CHCHD3: variants seen among roughly 807,000 people sequenced by gnomAD.
CHCHD3 encodes the protein coiled-coil-helix-coiled-coil-helix domain containing 3.
A neutral mutation model predicts 38.2 loss-of-function variants in CHCHD3; 20 were observed. The ratio of observed to expected loss-of-function variants is 0.52; its 90% confidence interval spans 0.37 to 0.76. The LOEUF (loss-of-function observed/expected upper bound fraction) is 0.76, where lower values mean the gene tolerates loss of function less well. Among genes scored for constraint, CHCHD3 ranks in the 30% least tolerant of loss-of-function variants. The pLI is 0.00. For missense variants in CHCHD3, 245 were observed against 279.2 expected, an observed-to-expected ratio of 0.88 and a Z score of 0.87; for synonymous variants, 82 against 100.0, an observed-to-expected ratio of 0.82 and a Z score of 1.07.
Position 132,975,279 on chromosome 7 carries a change from G to C in CHCHD3, c.259C>G (p.Gln87Glu), listed in dbSNP as rs148121452. Reference protein sequence around the residue: ...KESEDQKRLKQAKELDRERAA... With the variant: ...KESEDQKRLKEAKELDRERAA... Reference sequence around the variant, plus strand: ...CTCTCTCGGTCCAGCTCTTTGGCTTGCTTTAGTCTAAAATGACAAGAATTG... The same window carrying C: ...CTCTCTCGGTCCAGCTCTTTGGCTTCCTTTAGTCTAAAATGACAAGAATTG... The change falls in exon 4 of 8, where the codon CAA becomes GAA. Residue 87 changes from glutamine to glutamate, a missense_variant. Physicochemically the swap from Gln to Glu is conservative, Grantham distance 29. Coordinates refer to ENST00000262570, the MANE Select transcript of CHCHD3 (RefSeq NM_017812.4). 315 of 1,612,124 alleles carry C rather than the reference G, an allele frequency of 2.0e-4. 1 individual carries two copies. The Middle Eastern group carries it at 7.1e-3, about 36-fold the overall frequency.
chr7:132,955,927 T>A (rs1562920448), intron 4 of CHCHD3, among the ~76,000 whole-genome samples: 1 of 152,138 alleles, frequency 6.6e-6, no homozygotes, highest in Non-Finnish European at 1.5e-5. Flanking sequence ...GGGTGGGGGA[T>A]TTTCCGAAAA....
Position 132,975,286 on chromosome 7 carries a change from T to A in CHCHD3, c.252A>T (p.Arg84=), listed in dbSNP as rs1162575440. The A allele has an allele frequency of 1.2e-6, 2 of 1,610,542 alleles. No homozygotes were observed. The highest frequency in any genetic ancestry group is 1.7e-6 in the Non-Finnish European group (2 of 1,178,018). The part of the protein sequence containing the change: ...QAKKESEDQK[R]LKQAKELDRE... ...GGTCCAGCTCTTTGGCTTGCTTTAG[T>A]CTAAAATGACAAGAATTGTCTAAGT... Residue 84 remains arginine, a splice_region_variant and synonymous_variant, in exon 4 of 8, where the codon CGA becomes CGT. Coordinates refer to ENST00000262570, the MANE Select transcript of CHCHD3 (RefSeq NM_017812.4).
chr7:132,923,760 C>A (rs947915076), intron 4 of CHCHD3, among the ~76,000 whole-genome samples: 1 of 152,170 alleles, frequency 6.6e-6, no homozygotes, highest in African/African-American at 2.4e-5. Context: ...GATTTCCCAG[C>A]AGCCAGAAAT....
intron 2 of CHCHD3, among the ~76,000 whole-genome samples, chr7:133,062,831 C>T (rs1296199430): frequency 1.3e-5 from 2 of 152,206 alleles, no homozygotes; most frequent in East Asian, 1.9e-4. Flanking sequence ...TTTCATACCA[C>T]CTAGAAGCAC....
chr7:132,898,840 C>CT (rs1286519541), intron 4 of CHCHD3, among the ~76,000 whole-genome samples: 1 of 152,258 alleles, frequency 6.6e-6, no homozygotes, highest in African/African-American at 2.4e-5. Flanking sequence ...TCTGCAGCCA[C>CT]TGGCCCAGGT....
chr7:133,074,838 T>C (rs1201203773), intron 1 of CHCHD3, among the ~76,000 whole-genome samples: 1 of 152,220 alleles, frequency 6.6e-6, no homozygotes, highest in Non-Finnish European at 1.5e-5. Flanking sequence ...CCCCAGAGAT[T>C]CTGTGGAGGG....
intron 4 of CHCHD3, among the ~76,000 whole-genome samples, chr7:132,959,104 C>T (rs10238727): frequency 0.066 from 10,003 of 152,240 alleles, 831 homozygotes; most frequent in African/African-American, 0.2. Context: ...GAGGCCATGC[C>T]AAATGAGTGA....
intron 5 of CHCHD3, among the ~76,000 whole-genome samples, chr7:132,841,659 A>G (rs1475330699): frequency 6.6e-6 from 1 of 152,220 alleles, no homozygotes; most frequent in African/African-American, 2.4e-5. Flanking sequence ...TCCACTGATG[A>G]TCTCCGAGTG....
intron 4 of CHCHD3, among the ~76,000 whole-genome samples, chr7:132,893,766 G>T (rs1334776981): frequency 6.6e-6 from 1 of 152,136 alleles, no homozygotes; most frequent in African/African-American, 2.4e-5. Flanking sequence ...GTGTCTGAAG[G>T]TTTCTCTTTC....
chr7:133,026,043 A>G (rs1378000353), intron 2 of CHCHD3, among the ~76,000 whole-genome samples: 1 of 152,228 alleles, frequency 6.6e-6, no homozygotes, highest in Non-Finnish European at 1.5e-5. Flanking sequence ...AGACTGCAAC[A>G]GCAGCATCCA....
chr7:133,069,504 G>A (rs1208513646), intron 2 of CHCHD3, among the ~76,000 whole-genome samples: 1 of 151,974 alleles, frequency 6.6e-6, no homozygotes, highest in Non-Finnish European at 1.5e-5. Flanking sequence ...CCATCAACTG[G>A]GCAGTATCAA....
At chr7:132,855,008 C>A (rs1808313134) in intron 5 of CHCHD3, among the ~76,000 whole-genome samples, 1 of 152,120 alleles carries the variant, frequency 6.6e-6, no homozygotes, top group Admixed American at 6.5e-5. Flanking sequence ...ATGATAAAAA[C>A]CAGCCAAGAA....
At chr7:132,841,745 G>A (rs977082382) in intron 5 of CHCHD3, among the ~76,000 whole-genome samples, 1 of 152,138 alleles carries the variant, frequency 6.6e-6, no homozygotes, top group Non-Finnish European at 1.5e-5. Context: ...GGGCTTTGCT[G>A]GGTTGCTATA....
Position 132,914,111 on chromosome 7 carries a change from C to G in CHCHD3, c.370-28366G>C, listed in dbSNP as rs1810037808. Among the ~76,000 whole-genome samples the G allele has an allele frequency of 7.5e-5, 11 of 147,170 alleles. 1 individual carries two copies. The South Asian group carries it at 2.4e-3, about 33-fold the overall frequency. ...AGTAGCTGGGATTACAGATGCCCACCACCATGCCTGGCGTGTGTGTGTGTG... is the reference window on the plus strand; with the variant it reads ...AGTAGCTGGGATTACAGATGCCCACGACCATGCCTGGCGTGTGTGTGTGTG... On this transcript the variant is annotated intron_variant, in intron 4 of 7. Transcript: ENST00000262570.
At chr7:132,791,877 A>C (rs1261164671) in intron 7 of CHCHD3, among the ~76,000 whole-genome samples, 1 of 152,108 alleles carries the variant, frequency 6.6e-6, no homozygotes, top group African/African-American at 2.4e-5. Flanking sequence ...CAAGTTCCTC[A>C]CTGTGGCCAG....
intron 3 of CHCHD3, among the ~76,000 whole-genome samples, chr7:132,975,894 G>A (rs898087538): frequency 1.3e-5 from 2 of 149,680 alleles, no homozygotes; most frequent in African/African-American, 4.9e-5. Context: ...TCATGCCACT[G>A]CATTCTAGCC....
intron 4 of CHCHD3, among the ~76,000 whole-genome samples, chr7:132,892,767 C>T (rs1040091468): frequency 1.3e-5 from 2 of 152,208 alleles, no homozygotes; most frequent in African/African-American, 4.8e-5. Flanking sequence ...AGGTATAGCT[C>T]AGGCCACTGC....
chr7:133,055,554 T>C (rs1458383396), intron 2 of CHCHD3, among the ~76,000 whole-genome samples: 1 of 146,986 alleles, frequency 6.8e-6, no homozygotes, highest in Non-Finnish European at 1.5e-5. Flanking sequence ...TTTATAATTA[T>C]TATGTATTTA....
At chr7:133,018,115 A>G (rs1813078446) in intron 3 of CHCHD3, among the ~76,000 whole-genome samples, 2 of 152,244 alleles carry the variant, frequency 1.3e-5, no homozygotes, top group South Asian at 4.1e-4. Flanking sequence ...CAGCAAAAAT[A>G]TGATTAATAA....
Sources: gnomAD v4.1 joint callset for allele counts (sites outside exome capture counted in the v4.1 genomes callset) on GRCh38, gnomAD v4.1.1 for gene constraint, MANE v1.5 for transcripts, NCBI Gene and HGNC (gene_info 2026-07-23, HGNC 2026-07-21) for gene names.